The following INSL3 variants were observed in gnomAD, a reference collection of about 807,000 sequenced individuals.
INSL3 encodes the protein insulin like 3.
A neutral mutation model predicts 5.5 loss-of-function variants in INSL3; 6 were observed. The ratio of observed to expected loss-of-function variants is 1.08; its 90% confidence interval spans 0.59 to 2.14. INSL3 has a LOEUF of 2.14. INSL3 is among the 30% of genes most tolerant of loss of function. The probability of loss-of-function intolerance (pLI) is 0.00; values close to 1 mark genes in which losing one functional copy is unlikely to be tolerated. For missense variants in INSL3, 178 were observed against 184.7 expected (o/e 0.96, Z 0.21); for synonymous variants, 86 against 82.1 (o/e 1.05, Z -0.26).
At chr19:17,817,795 C>CAA (rs58956953) in intron 1 of INSL3, among the ~76,000 whole-genome samples, 12,912 of 39,896 alleles carry the variant, frequency 0.32, 3,352 homozygotes, top group East Asian at 0.58. Context: ...AACTCCATCT[C>CAA]AAAAAAAAAA....
At chr19:17,820,153 G>A (rs1275226888) in intron 1 of INSL3, among the ~76,000 whole-genome samples, 1 of 150,740 alleles carries the variant, frequency 6.6e-6, no homozygotes, top group African/African-American at 2.4e-5. Context: ...GTGTGGTGGT[G>A]CGTGCCCGCA....
intron 1 of INSL3, among the ~76,000 whole-genome samples, chr19:17,818,569 T>A (rs181599000): frequency 2.0e-5 from 3 of 151,722 alleles, no homozygotes; most frequent in Admixed American, 1.3e-4. Context: ...TGACCCGAGA[T>A]CGTGCCACTG....
chr19:17,820,526 G>A (rs1167629535), intron 1 of INSL3: 2 of 238,530 alleles, frequency 8.4e-6, no homozygotes, highest in Middle Eastern at 1.7e-3. Flanking sequence ...TGGGTGTGGT[G>A]GCAGCACCTG....
chr19:17,816,565 G>T lies in INSL3; in HGVS notation c.*289C>A, dbSNP rs1253711645. ...GACAGCAAGAAGGGGTGTTACACAT[G>T]CAGGGAGCGGAGCGTCTGGGGCTCC... On this transcript the variant is annotated 3_prime_UTR_variant, in exon 2 of 2. Transcript: ENST00000317306. 2 of 494,548 alleles carry T rather than the reference G, an allele frequency of 4.0e-6. No homozygotes were observed. The highest frequency in any genetic ancestry group is 7.4e-6 in the Non-Finnish European group (2 of 270,080). 30.6% of individuals were successfully genotyped at this position (494,548 alleles called of 1,614,324 possible).
At chr19:17,817,358 G>T (rs1352592612) in intron 1 of INSL3, among the ~76,000 whole-genome samples, 2 of 150,884 alleles carry the variant, frequency 1.3e-5, no homozygotes, top group Admixed American at 1.3e-4. Flanking sequence ...GGTGGCGGGC[G>T]CCTGTAGTCC....
intron 1 of INSL3, among the ~76,000 whole-genome samples, chr19:17,819,679 A>G (rs2094192692): frequency 6.6e-6 from 1 of 152,026 alleles, no homozygotes. Context: ...ATCTCTACTA[A>G]AAATACAAAA....
chr19:17,819,545 T>A (rs1440986385), intron 1 of INSL3, among the ~76,000 whole-genome samples: 1 of 150,938 alleles, frequency 6.6e-6, no homozygotes, highest in Non-Finnish European at 1.5e-5. Flanking sequence ...AGGTCAGGAG[T>A]TCAAGACCAG....
intron 1 of INSL3, among the ~76,000 whole-genome samples, chr19:17,820,973 C>T (rs1311602957): frequency 6.6e-6 from 1 of 152,004 alleles, no homozygotes; most frequent in East Asian, 1.9e-4. Context: ...ATCATTATCC[C>T]CGGCTAATTT....
chr19:17,818,621 A>C (rs1164999453), intron 1 of INSL3, among the ~76,000 whole-genome samples: 2 of 151,980 alleles, frequency 1.3e-5, no homozygotes, highest in Non-Finnish European at 2.9e-5. Context: ...CTCAAAAGAA[A>C]AAAAAAAGGA....
At chr19:17,817,557 G>A (rs1411218781) in intron 1 of INSL3, among the ~76,000 whole-genome samples, 1 of 150,854 alleles carries the variant, frequency 6.6e-6, no homozygotes, top group Admixed American at 6.6e-5. Context: ...ACTTTGGGAG[G>A]CCGAGGTGGG....
chr19:17,818,127 G>A (rs1158390556), intron 1 of INSL3, among the ~76,000 whole-genome samples: 1 of 152,024 alleles, frequency 6.6e-6, no homozygotes, highest in African/African-American at 2.4e-5. Context: ...CGCATGTGTG[G>A]TGGACCCACA....
chr19:17,820,572 G>A (rs144524598), intron 1 of INSL3: 2,425 of 197,192 alleles, frequency 0.012, 77 homozygotes, highest in African/African-American at 0.055. Context: ...GCAGGAGGAT[G>A]GTTTGAGCCC....
At position 17,816,737 on chromosome 19, in the gene INSL3, C is replaced by T; in HGVS notation, c.*117G>A. On this transcript the variant is annotated 3_prime_UTR_variant, in exon 2 of 2. Transcript: ENST00000317306. ...TGGGGTAGATAGTGAGCACCCATCC[C>T]AGGAGGTAATCAAAGGCCTGTAGAT... 2.1e-6 allele frequency: 2 copies of T among 959,330 alleles called. No homozygotes were observed. Among genetic ancestry groups the T allele is most frequent in the Non-Finnish European group, 3.2e-6 (2 of 616,750 alleles). 59.4% of individuals were successfully genotyped at this position (959,330 alleles called of 1,614,324 possible). A position where few individuals can be genotyped will look rare whatever the true frequency, so the allele number is the denominator to read the frequency against.
chr19:17,821,202 G>T, intron 1 of INSL3, 115 bp downstream of exon 1: 1 of 1,230,656 alleles, frequency 8.1e-7, no homozygotes, highest in Non-Finnish European at 1.1e-6. Flanking sequence ...CGGCAGGTGA[G>T]CCCTGGGCAC....
chr19:17,821,416 C>G lies in INSL3; in HGVS notation c.91G>C (p.Glu31Gln). The change falls in exon 1 of 2, where the codon GAG (glutamate) becomes CAG (glutamine). Residue 31 changes from glutamate (E) to glutamine (Q), a missense_variant. Coordinates refer to ENST00000317306, the MANE Select transcript of INSL3 (RefSeq NM_005543.4). ...ACGAAGTGGTGGCCGCACAACTTCTCACGCATCTCTGGGGTGGGCGCGGGG... is the reference window on the plus strand; with the variant it reads ...ACGAAGTGGTGGCCGCACAACTTCTGACGCATCTCTGGGGTGGGCGCGGGG... ...LGPAPTPEMR[E>Q]KLCGHHFVRA... 1 of 1,547,848 alleles carries G rather than the reference C, an allele frequency of 6.5e-7. No homozygotes were observed. Among genetic ancestry groups the G allele is most frequent in the South Asian group, 1.2e-5 (1 of 83,934 alleles).
intron 1 of INSL3, among the ~76,000 whole-genome samples, chr19:17,818,529 T>A (rs2094191100): frequency 6.6e-6 from 1 of 151,852 alleles, no homozygotes; most frequent in South Asian, 2.1e-4. Flanking sequence ...GGTGGGAGGA[T>A]CGCTTGAGCC....
rs1427441131 is a variant in INSL3, at chr19:17,821,479, G to A, written c.28C>T (p.Leu10=). Reference sequence around the variant, plus strand: ...ACCAGGGCAGGGCCCAGCAGCACCAGCGCCCAGGCGGGCAGACGGGGGTCC... The same window carrying A: ...ACCAGGGCAGGGCCCAGCAGCACCAACGCCCAGGCGGGCAGACGGGGGTCC... The part of the protein sequence containing the change: MDPRLPAWA[L]VLLGPALVFA... Residue 10 remains leucine, a synonymous_variant, in exon 1 of 2, where the codon CTG becomes TTG. Coordinates refer to ENST00000317306, the MANE Select transcript of INSL3 (RefSeq NM_005543.4). The A allele has an allele frequency of 2.0e-6, 3 of 1,508,788 alleles. No homozygotes were observed. The highest frequency in any genetic ancestry group is 2.8e-5 in the African/African-American group (2 of 71,042). 93.5% of individuals were successfully genotyped at this position (1,508,788 alleles called of 1,614,324 possible).
intron 1 of INSL3, chr19:17,820,342 A>G (rs2094193614): frequency 2.6e-6 from 1 of 384,768 alleles, no homozygotes; most frequent in African/African-American, 2.2e-5. Context: ...GAAAAGCAAT[A>G]CTTTTCAAAA....
chr19:17,820,398 C>G (rs762358072), intron 1 of INSL3: 2 of 409,306 alleles, frequency 4.9e-6, no homozygotes, highest in South Asian at 3.5e-5. Flanking sequence ...TGACTCACAT[C>G]GCTAATCCCA....
Sources: gnomAD v4.1 joint callset for allele counts (sites outside exome capture counted in the v4.1 genomes callset) on GRCh38, gnomAD v4.1.1 for gene constraint, MANE v1.5 for transcripts, NCBI Gene and HGNC (gene_info 2026-07-23, HGNC 2026-07-21) for gene names.